The following SERPINH1 variants were observed in gnomAD, a reference collection of about 807,000 sequenced individuals.
The protein encoded by SERPINH1 is serpin H1.
A neutral mutation model predicts 32.3 loss-of-function variants in SERPINH1; 22 were observed. The observed-to-expected ratio is 0.68, with a 90% CI of 0.49 to 0.97. The LOEUF (loss-of-function observed/expected upper bound fraction) is 0.97, where lower values mean the gene tolerates loss of function less well. Among genes scored for constraint, SERPINH1 ranks in the 50% least tolerant of loss-of-function variants. The pLI is 0.00. For synonymous variants in SERPINH1, 251 were observed against 245.9 expected, an observed-to-expected ratio of 1.02 and a Z score of -0.19; for missense variants, 543 against 576.4, an observed-to-expected ratio of 0.94 and a Z score of 0.59.
In SERPINH1 at chr11:75,566,898, C is replaced by T. The variant is rs760422235; in HGVS notation, c.549C>T (p.Gly183=). 1 of 1,608,756 alleles carries T rather than the reference C, an allele frequency of 6.2e-7. No individual in the cohort carries two copies. The highest frequency in any genetic ancestry group is 1.7e-5 in the Admixed American group (1 of 60,022). ...INEWAAQTTD[G]KLPEVTKDVE... Reference sequence around the variant, plus strand: ...AGTGGGCCGCGCAGACCACCGACGGCAAGCTGCCCGAGGTCACCAAGGACG... The same window carrying T: ...AGTGGGCCGCGCAGACCACCGACGGTAAGCTGCCCGAGGTCACCAAGGACG... The change falls in exon 2 of 5, where the codon GGC becomes GGT. Residue 183 remains glycine (G), a synonymous_variant. Coordinates refer to ENST00000358171, the MANE Select transcript of SERPINH1 (RefSeq NM_001235.5).
chr11:75,566,438 CT>C lies in SERPINH1; in HGVS notation c.90del (p.Gly31AlafsTer6). 1 of 1,612,186 alleles carries C rather than the reference CT, an allele frequency of 6.2e-7. No individual in the cohort carries two copies. Among genetic ancestry groups the C allele is most frequent in the Non-Finnish European group, 8.5e-7 (1 of 1,179,764 alleles). On this transcript the variant is annotated frameshift_variant, in exon 2 of 5. Transcript: ENST00000358171. LOFTEE classifies it high-confidence loss of function. ...EVKKPAAAAA[P>X]GTAEKLSPKA... ...AAGAAACCTGCAGCCGCAGCAGCTCCTGGCACTGCGGAGAAGTTGAGCCCCA... is the reference window on the plus strand; with the variant it reads ...AAGAAACCTGCAGCCGCAGCAGCTCCGGCACTGCGGAGAAGTTGAGCCCCA...
At chr11:75,564,138 A>AC (rs1478092293) in intron 1 of SERPINH1, among the ~76,000 whole-genome samples, 1 of 151,860 alleles carries the variant, frequency 6.6e-6, no homozygotes, top group Non-Finnish European at 1.5e-5. Context: ...AATATGTGGC[A>AC]CCCCCTGGGA....
intron 1 of SERPINH1, chr11:75,562,669 T>TCTGCGGAAAGAAACA (rs1461897525): frequency 6.6e-6 from 1 of 152,658 alleles, no homozygotes; most frequent in Non-Finnish European, 1.5e-5. Flanking sequence ...GAGCAGAGCC[T>TCTGCGGAAAGAAACA]CTGCGGAAAG....
intron 4 of SERPINH1, among the ~76,000 whole-genome samples, chr11:75,571,505 C>G (rs1236741509): frequency 6.6e-6 from 1 of 152,356 alleles, no homozygotes; most frequent in Non-Finnish European, 1.5e-5. Context: ...TGTCCCTGAA[C>G]TGCAGCTGGG....
At chr11:75,564,947 G>A (rs1942047738) in intron 1 of SERPINH1, among the ~76,000 whole-genome samples, 2 of 152,194 alleles carry the variant, frequency 1.3e-5, no homozygotes, top group Non-Finnish European at 2.9e-5. Context: ...TCAAATGTTC[G>A]GTCTTCTTCA....
At chr11:75,562,581 G>A (rs1191837257) in intron 1 of SERPINH1, 1 of 152,506 alleles carries the variant, frequency 6.6e-6, no homozygotes, top group African/African-American at 2.4e-5. Flanking sequence ...GGAGGACTGG[G>A]AAAAAGTGCA....
chr11:75,569,035 A>G lies in SERPINH1; in HGVS notation c.818A>G (p.His273Arg). ...KLSSLIILMP[H>R]HVEPLERLEK... Reference sequence around the variant, plus strand: ...TCCAGCCTCATCATCCTCATGCCCCATCACGTGGAGCCTCTCGAGCGCCTT... The same window carrying G: ...TCCAGCCTCATCATCCTCATGCCCCGTCACGTGGAGCCTCTCGAGCGCCTT... Residue 273 changes from histidine (H) to arginine (R), a missense_variant, in exon 4 of 5, where the codon CAT becomes CGT. His to Arg is a conservative substitution (Grantham distance 29, BLOSUM62 0). Coordinates refer to ENST00000358171, the MANE Select transcript of SERPINH1 (RefSeq NM_001235.5). 3 of 1,614,220 alleles carry G rather than the reference A, an allele frequency of 1.9e-6. No individual in the cohort carries two copies. The highest frequency in any genetic ancestry group is 2.5e-6 in the Non-Finnish European group (3 of 1,180,016).
intron 1 of SERPINH1, chr11:75,563,611 G>A (rs1279859933): frequency 6.5e-6 from 1 of 152,702 alleles, no homozygotes; most frequent in African/African-American, 2.4e-5. Flanking sequence ...CAGTGAGGTG[G>A]TCGATCTCCA....
At chr11:75,564,209 C>G (rs112021099) in intron 1 of SERPINH1, among the ~76,000 whole-genome samples, 3 of 152,360 alleles carry the variant, frequency 2.0e-5, no homozygotes, top group African/African-American at 7.2e-5. Flanking sequence ...GGAGATAGTT[C>G]AGCCTCCTGC....
chr11:75,563,880 T>C (rs1328003980), intron 1 of SERPINH1: 1 of 152,724 alleles, frequency 6.5e-6, no homozygotes, highest in Admixed American at 6.5e-5. Context: ...CAGCCCTGGC[T>C]AGGTGATCTT....
At chr11:75,567,819 T>G (rs1942117424) in intron 2 of SERPINH1, 1 of 152,268 alleles carries the variant, frequency 6.6e-6, no homozygotes, top group South Asian at 2.1e-4. Context: ...CACAGTTTGC[T>G]GTGAGAATGA....
intron 4 of SERPINH1, among the ~76,000 whole-genome samples, chr11:75,570,334 C>T (rs1442615481): frequency 1.3e-5 from 2 of 152,108 alleles, no homozygotes; most frequent in Non-Finnish European, 2.9e-5. Context: ...AAGTGGAGCT[C>T]GTACTGGTCT....
In SERPINH1 at chr11:75,569,171, G is replaced by A; in HGVS notation, c.954G>A (p.Gln318=). Residue 318 remains glutamine, a splice_region_variant and synonymous_variant, in exon 4 of 5, where the codon CAG becomes CAA. Transcript: ENST00000358171. ...TGGTGGAGGTGACCCATGACCTGCA[G>A]GTAAGGGGTGGCCCAGCCTAGGGGC... ...KGVVEVTHDL[Q]KHLAGLGLTE... is the part of the protein sequence containing the mutation. The A allele has an allele frequency of 6.2e-7, 1 of 1,601,138 alleles. No homozygotes were observed. Among genetic ancestry groups the A allele is most frequent in the Middle Eastern group, 1.7e-4 (1 of 6,052 alleles).
intron 1 of SERPINH1, among the ~76,000 whole-genome samples, chr11:75,565,877 A>G (rs936470282): frequency 6.6e-6 from 1 of 152,174 alleles, no homozygotes; most frequent in East Asian, 1.9e-4. Flanking sequence ...TGACCACTCT[A>G]TAAACTGATG....
Position 75,572,047 on chromosome 11 carries a change from C to G in SERPINH1, c.1221C>G (p.Val407=). The change falls in exon 5 of 5, where the codon GTC becomes GTG. Residue 407 remains valine, a synonymous_variant. Transcript: ENST00000358171. The part of the protein sequence containing the change: ...SGSLLFIGRL[V]RPKGDKMRDE... ...CCCTGCTATTCATTGGGCGCCTGGT[C>G]CGGCCTAAGGGTGACAAGATGCGAG... is the stretch of plus-strand genomic sequence containing the variant. 6.2e-7 allele frequency: 1 copy of G among 1,614,150 alleles called. No homozygotes were observed. The highest frequency in any genetic ancestry group is 8.5e-7 in the Non-Finnish European group (1 of 1,180,036).
At chr11:75,571,734 A>G (rs371267874) in intron 4 of SERPINH1, 47 bp from the exon 5 acceptor site, 17 of 1,577,070 alleles carry the variant, frequency 1.1e-5, no homozygotes, top group Admixed American at 1.7e-5. Context: ...AGGGTGGAGG[A>G]GCCTGGCAGC....
chr11:75,569,112 A>G lies in SERPINH1; in HGVS notation c.895A>G (p.Lys299Glu). Residue 299 changes from lysine (K) to glutamate (E), a missense_variant, in exon 4 of 5, where the codon AAG (lysine) becomes GAG (glutamate). By Grantham distance (56) the Lys-to-Glu change is moderately conservative. Transcript: ENST00000358171. ...GAAGATCTGGATGGGGAAGATGCAG[A>G]AGAAGGCTGTTGCCATCTCCTTGCC... ...QLKIWMGKMQ[K>E]KAVAISLPKG... 6.2e-7 allele frequency: 1 copy of G among 1,614,140 alleles called. No individual in the cohort carries two copies. Among genetic ancestry groups the G allele is most frequent in the Non-Finnish European group, 8.5e-7 (1 of 1,179,976 alleles).
intron 4 of SERPINH1, among the ~76,000 whole-genome samples, chr11:75,570,322 A>T (rs1942174402): frequency 6.6e-6 from 1 of 152,118 alleles, no homozygotes. Flanking sequence ...CAAACCAGGG[A>T]CAAGTGGAGC....
At chr11:75,571,649 G>T in intron 4 of SERPINH1, 132 bp from the exon 5 acceptor site, 2 of 775,168 alleles carry the variant, frequency 2.6e-6, no homozygotes, top group South Asian at 3.0e-5. Flanking sequence ...GCCATGCCTG[G>T]CATACAGAAG....
Sources: gnomAD v4.1 joint callset for allele counts (sites outside exome capture counted in the v4.1 genomes callset) on GRCh38, gnomAD v4.1.1 for gene constraint, MANE v1.5 for transcripts, NCBI Gene and HGNC (gene_info 2026-07-23, HGNC 2026-07-21) for gene names.